The following TEX26 variants were observed in gnomAD, a reference collection of about 807,000 sequenced individuals.
TEX26 encodes testis expressed 26, also known as testis-expressed protein 26.
In TEX26, 34 loss-of-function variants were observed where a neutral mutation model predicts 35.3. That is an observed-to-expected ratio of 0.96 (90% CI 0.73 to 1.28). The LOEUF (loss-of-function observed/expected upper bound fraction) is 1.28. Among genes scored for constraint, TEX26 ranks in the 50% most tolerant of loss-of-function variants. The pLI, the probability that TEX26 is intolerant of heterozygous loss-of-function variation, is 0.00. For synonymous variants in TEX26, 136 were observed against 111.8 expected (o/e 1.22, Z -1.36); for missense variants, 371 against 330.1 (o/e 1.12, Z -0.96).
intron 1 of TEX26, among the ~76,000 whole-genome samples, chr13:30,934,885 G>A (rs1195764197): frequency 6.6e-6 from 1 of 152,230 alleles, no homozygotes; most frequent in Non-Finnish European, 1.5e-5. Context: ...GAGCCTCCCT[G>A]TGGAACCCAC....
intron 2 of TEX26, among the ~76,000 whole-genome samples, chr13:30,943,015 A>G (rs1953570541): frequency 1.3e-5 from 2 of 152,042 alleles, no homozygotes; most frequent in South Asian, 4.1e-4. Context: ...GTTTTTTCTA[A>G]TTCTGTGAAA....
chr13:30,950,617 T>G (rs929944331), intron 2 of TEX26, among the ~76,000 whole-genome samples: 1 of 152,176 alleles, frequency 6.6e-6, no homozygotes, highest in African/African-American at 2.4e-5. Context: ...TGTTAGGAGA[T>G]AGAAAACCAG....
chr13:30,970,596 T>A (rs1216582582), intron 6 of TEX26, among the ~76,000 whole-genome samples: 1 of 152,228 alleles, frequency 6.6e-6, no homozygotes, highest in East Asian at 1.9e-4. Flanking sequence ...ACCTTTAGGA[T>A]CCACATCTGT....
At chr13:30,955,378 C>T (rs147146863) in intron 3 of TEX26, among the ~76,000 whole-genome samples, 38 of 152,280 alleles carry the variant, frequency 2.5e-4, no homozygotes, top group Admixed American at 7.8e-4. Flanking sequence ...CAAATGCATA[C>T]GCAATCAACA....
At chr13:30,954,371 T>TA (rs11439427) in intron 3 of TEX26, among the ~76,000 whole-genome samples, 85,180 of 146,252 alleles carry the variant, frequency 0.58, 25,784 homozygotes, top group Non-Finnish European at 0.66. Flanking sequence ...CTCCTGTCTC[T>TA]AAAAATATAT....
chr13:30,967,737 T>C (rs1210700560), intron 5 of TEX26, among the ~76,000 whole-genome samples: 1 of 152,218 alleles, frequency 6.6e-6, no homozygotes, highest in Admixed American at 6.5e-5. Context: ...GGTTTTTACA[T>C]CGTGATTCTA....
Position 30,951,453 on chromosome 13 carries a change from T to G in TEX26, c.147-1207T>G, listed in dbSNP as rs554937590. On this transcript the variant is annotated intron_variant, in intron 2 of 6. Transcript: ENST00000380473. ...AATAGAATGATCATCCAGATGGATGTTTTTTTCTAACTTCCTAGATATTTG... is the reference window on the plus strand; with the variant it reads ...AATAGAATGATCATCCAGATGGATGGTTTTTTCTAACTTCCTAGATATTTG... 3.1e-4 allele frequency among the ~76,000 whole-genome samples: 47 copies of G among 152,298 alleles called. 3 individuals are homozygous for G. In the South Asian group the frequency reaches 6.8e-3, roughly 22 times the overall value.
intron 6 of TEX26, 144 bp downstream of exon 6, chr13:30,969,190 T>C: frequency 1.3e-6 from 1 of 744,240 alleles, no homozygotes; most frequent in Non-Finnish European, 2.1e-6. Flanking sequence ...ACTCATAGTG[T>C]TGTGCAAACC....
At chr13:30,966,071 T>G (rs752563751) in intron 4 of TEX26, 151 bp from the exon 5 acceptor site, 2 of 752,104 alleles carry the variant, frequency 2.7e-6, no homozygotes, top group Admixed American at 5.6e-5. Context: ...TTTGAGTATA[T>G]ACTTCCTGTG....
In TEX26 at chr13:30,956,872, G is replaced by A. The variant is rs12857479; in HGVS notation, c.313-1G>A. On this transcript the variant is annotated splice_acceptor_variant, in intron 3 of 6. Coordinates refer to ENST00000380473, the MANE Select transcript of TEX26 (RefSeq NM_152325.3). LOFTEE classifies it high-confidence loss of function. ...CTTGAAAATTATGTTTGCTTTGATA[G>A]GACATTTTCCTGTGGACACTACCTC... 577,522 of 1,611,554 alleles carry A rather than the reference G, an allele frequency of 0.36. 107,389 individuals are homozygous for A. Among genetic ancestry groups the A allele is most frequent in the Middle Eastern group, 0.41 (2,480 of 6,048 alleles).
Position 30,951,302 on chromosome 13 carries a change from G to C in TEX26, c.147-1358G>C, listed in dbSNP as rs569509126. Among the ~76,000 whole-genome samples the C allele has an allele frequency of 4.9e-4, 73 of 150,500 alleles. 2 individuals carry two copies. In the South Asian group the frequency reaches 0.015, roughly 31 times the overall value. The stretch of plus-strand genomic sequence containing the variant: ...GCCCAGCAATTAGAGGCTGCAGTGA[G>C]CTATGATGGTACCACTGCACTCCAG... On this transcript the variant is annotated intron_variant, in intron 2 of 6. Transcript: ENST00000380473.
intron 1 of TEX26, chr13:30,936,676 G>T (rs1444675771): frequency 2.0e-6 from 2 of 985,312 alleles, no homozygotes; most frequent in African/African-American, 3.5e-5. Context: ...GCCAGGTCAA[G>T]ACTCTGTGTC....
intron 2 of TEX26, among the ~76,000 whole-genome samples, chr13:30,942,382 G>T (rs1431588402): frequency 1.3e-5 from 2 of 151,786 alleles, no homozygotes; most frequent in African/African-American, 2.4e-5. Context: ...TTTTCTTGGT[G>T]ATTTCTTTGA....
intron 3 of TEX26, among the ~76,000 whole-genome samples, chr13:30,955,589 G>A (rs1263730368): frequency 6.6e-6 from 1 of 152,232 alleles, no homozygotes; most frequent in African/African-American, 2.4e-5. Flanking sequence ...GGTGCAAAGG[G>A]AAACTGAGGA....
At chr13:30,972,744 C>T (rs1954756332) in intron 6 of TEX26, among the ~76,000 whole-genome samples, 1 of 152,260 alleles carries the variant, frequency 6.6e-6, no homozygotes, top group Non-Finnish European at 1.5e-5. Flanking sequence ...AAGCAATTCT[C>T]ATGCCTCAGC....
At chr13:30,936,196 A>T (rs754711559) in intron 1 of TEX26, among the ~76,000 whole-genome samples, 4 of 152,224 alleles carry the variant, frequency 2.6e-5, no homozygotes, top group Non-Finnish European at 5.9e-5. Context: ...AATATATGTG[A>T]AAATATTTTG....
At chr13:30,939,008 G>A (rs4943681) in intron 1 of TEX26, among the ~76,000 whole-genome samples, 52,438 of 152,050 alleles carry the variant, frequency 0.34, 9,092 homozygotes, top group East Asian at 0.45. Context: ...TTAGAACTAC[G>A]CCAGATGACT....
intron 3 of TEX26, among the ~76,000 whole-genome samples, chr13:30,955,656 A>T: frequency 6.6e-6 from 1 of 152,262 alleles, no homozygotes; most frequent in Non-Finnish European, 1.5e-5. Flanking sequence ...TTTTTAAGAT[A>T]GGAGAAATAA....
intron 4 of TEX26, among the ~76,000 whole-genome samples, chr13:30,958,765 G>T (rs181716997): frequency 6.6e-6 from 1 of 151,968 alleles, no homozygotes; most frequent in South Asian, 2.1e-4. Context: ...CCACCCCACC[G>T]GCATGCACAT....
Sources: allele counts gnomAD v4.1 joint callset (sites outside exome capture counted in the v4.1 genomes callset), GRCh38; gene constraint gnomAD v4.1.1; transcripts MANE v1.5; gene names NCBI Gene and HGNC (gene_info 2026-07-23, HGNC 2026-07-21).